Variants in GALNT10 observed in about 807,000 individuals in gnomAD.
The protein encoded by GALNT10 is GalNAc transferase 10.
Under a neutral mutation model 75.0 loss-of-function variants are expected in GALNT10, and 41 were observed. The observed-to-expected ratio is 0.55, with a 90% confidence interval of 0.43 to 0.71. The LOEUF (loss-of-function observed/expected upper bound fraction) is 0.71. Among genes scored for constraint, GALNT10 ranks in the 30% least tolerant of loss-of-function variants. The pLI is 0.00. For missense variants in GALNT10, 727 were observed against 818.5 expected (o/e 0.89, Z 1.36); for synonymous variants, 302 against 313.0 (o/e 0.96, Z 0.37).
chr5:154,419,440 A>G lies in GALNT10; in HGVS notation c.*2468A>G, dbSNP rs1756585831. The G allele has an allele frequency of 6.6e-6, 1 of 152,196 alleles. No homozygotes were observed. The highest frequency in any genetic ancestry group is 2.1e-4 in the South Asian group (1 of 4,824). 9.4% of individuals were successfully genotyped at this position (152,196 alleles called of 1,614,324 possible). A position where few individuals can be genotyped will look rare whatever the true frequency, so the allele number is the denominator to read the frequency against. Reference sequence around the variant, plus strand: ...TGCCGAGCACTAGCTAGACTTCCACATAGTCCCACCCCAAGTGGGCGGCAG... The same window carrying G: ...TGCCGAGCACTAGCTAGACTTCCACGTAGTCCCACCCCAAGTGGGCGGCAG... On this transcript the variant is annotated 3_prime_UTR_variant, in exon 12 of 12. Transcript: ENST00000297107.
intron 4 of GALNT10, among the ~76,000 whole-genome samples, chr5:154,333,122 T>C (rs1754892495): frequency 6.6e-6 from 1 of 152,178 alleles, no homozygotes; most frequent in Non-Finnish European, 1.5e-5. Context: ...TCTCCTGGTG[T>C]GGTCTGTATT....
At chr5:154,360,248 G>A (rs190984552) in intron 4 of GALNT10, among the ~76,000 whole-genome samples, 47 of 152,120 alleles carry the variant, frequency 3.1e-4, no homozygotes, top group African/African-American at 1.1e-3. Flanking sequence ...TCAGGAGTTC[G>A]AAACCAGCCT....
intron 1 of GALNT10, among the ~76,000 whole-genome samples, chr5:154,283,703 CCA>C (rs973272884): frequency 6.6e-6 from 1 of 152,180 alleles, no homozygotes; most frequent in African/African-American, 2.4e-5. Flanking sequence ...GAGGGGACTA[CCA>C]TCAGTCACAT....
chr5:154,337,903 T>C, intron 4 of GALNT10: 1 of 1,354,256 alleles, frequency 7.4e-7, no homozygotes, highest in Non-Finnish European at 1.0e-6. Context: ...TTCCTAACTT[T>C]ACATTTGTGG....
intron 4 of GALNT10, among the ~76,000 whole-genome samples, chr5:154,343,805 G>A (rs950866463): frequency 1.3e-5 from 2 of 152,120 alleles, no homozygotes; most frequent in Non-Finnish European, 2.9e-5. Context: ...ACTCACCCAT[G>A]AACATTTTTG....
intron 4 of GALNT10, among the ~76,000 whole-genome samples, chr5:154,354,169 C>T (rs575388015): frequency 3.9e-5 from 6 of 152,282 alleles, no homozygotes; most frequent in Admixed American, 6.5e-5. Context: ...TTGTGAATGA[C>T]TTACTTTTAT....
chr5:154,219,834 T>TCACACACACACACA (rs763537693), intron 1 of GALNT10, among the ~76,000 whole-genome samples: 6,952 of 129,216 alleles, frequency 0.054, 282 homozygotes, highest in East Asian at 0.13. Context: ...TCTCTCTCTC[T>TCACACACACACACA]CTCTCACACA....
chr5:154,370,566 A>C lies in GALNT10; in HGVS notation c.569-5711A>C, dbSNP rs142600237. 2.2e-4 allele frequency among the ~76,000 whole-genome samples: 33 copies of C among 152,316 alleles called. No individual in the cohort carries two copies. The East Asian group carries it at 6.2e-3, about 29-fold the overall frequency. ...GTAGAAGGACGAGCACGGGCAGAGAACCTGAGGCTGAAGGAGACATCCTGG... is the reference window on the plus strand; with the variant it reads ...GTAGAAGGACGAGCACGGGCAGAGACCCTGAGGCTGAAGGAGACATCCTGG... On this transcript the variant is annotated intron_variant, in intron 4 of 11. Coordinates refer to ENST00000297107, the MANE Select transcript of GALNT10 (RefSeq NM_198321.4).
chr5:154,336,266 G>C (rs1353291783), intron 4 of GALNT10, among the ~76,000 whole-genome samples: 1 of 152,092 alleles, frequency 6.6e-6, no homozygotes, highest in Non-Finnish European at 1.5e-5. Flanking sequence ...TCCGAGTTTT[G>C]GCAAATATTA....
At chr5:154,295,494 A>T (rs1353388551) in intron 2 of GALNT10, among the ~76,000 whole-genome samples, 1 of 152,202 alleles carries the variant, frequency 6.6e-6, no homozygotes, top group East Asian at 1.9e-4. Flanking sequence ...GGCAGAGTTG[A>T]TTCCTACCTA....
At chr5:154,260,546 C>T (rs558172631) in intron 1 of GALNT10, among the ~76,000 whole-genome samples, 1 of 152,254 alleles carries the variant, frequency 6.6e-6, no homozygotes, top group African/African-American at 2.4e-5. Context: ...GGATGCACCC[C>T]TTTTTAAATG....
rs554444351 is a variant in GALNT10, at chr5:154,296,493, A to G, written c.263-1448A>G. ...TGGGCTAACCAGCAAGACAAGAGTA[A>G]CGAGCAGTGGAGACATTAATAATAA... On this transcript the variant is annotated intron_variant, in intron 2 of 11. Coordinates refer to ENST00000297107, the MANE Select transcript of GALNT10 (RefSeq NM_198321.4). Among the ~76,000 whole-genome samples the G allele has an allele frequency of 4.5e-4, 69 of 152,360 alleles. 1 individual carries two copies. The highest frequency in any genetic ancestry group is 1.7e-3 in the Admixed American group (26 of 15,308).
intron 1 of GALNT10, among the ~76,000 whole-genome samples, chr5:154,200,269 A>G (rs1434570218): frequency 6.6e-6 from 1 of 152,194 alleles, no homozygotes; most frequent in Non-Finnish European, 1.5e-5. Flanking sequence ...GCACTCGGGC[A>G]GCCTCTCACG....
chr5:154,385,613 A>C (rs1755797168), intron 6 of GALNT10, among the ~76,000 whole-genome samples: 1 of 152,042 alleles, frequency 6.6e-6, no homozygotes, highest in Non-Finnish European at 1.5e-5. Flanking sequence ...GCCCCACTAC[A>C]CCAACATCTC....
intron 1 of GALNT10, among the ~76,000 whole-genome samples, chr5:154,234,360 G>A (rs765177471): frequency 9.9e-5 from 15 of 152,130 alleles, no homozygotes; most frequent in Non-Finnish European, 1.9e-4. Context: ...CAGCAACTTT[G>A]CTCCAGGTGA....
At position 154,417,098 on chromosome 5, in the gene GALNT10, G is replaced by A; in HGVS notation, c.*126G>A. 1 of 791,268 alleles carries A rather than the reference G, an allele frequency of 1.3e-6. No homozygotes were observed. Among genetic ancestry groups the A allele is most frequent in the Non-Finnish European group, 2.1e-6 (1 of 487,462 alleles). The allele number at this position is 791,268 out of a possible 1,614,324, so 49.0% of individuals were successfully genotyped here. Reference sequence around the variant, plus strand: ...TGCTGGCCAAATGGTTCAGGGTGAAGAGGGCTCTTGATTCAGGGGCTGGGG... The same window carrying A: ...TGCTGGCCAAATGGTTCAGGGTGAAAAGGGCTCTTGATTCAGGGGCTGGGG... On this transcript the variant is annotated 3_prime_UTR_variant, in exon 12 of 12. Transcript: ENST00000297107.
At chr5:154,285,582 C>A (rs1754098929) in intron 1 of GALNT10, among the ~76,000 whole-genome samples, 1 of 152,042 alleles carries the variant, frequency 6.6e-6, no homozygotes, top group South Asian at 2.1e-4. Flanking sequence ...ACCCACAGGA[C>A]CCTAGTAACC....
chr5:154,252,830 A>G (rs945171492), intron 1 of GALNT10, among the ~76,000 whole-genome samples: 2 of 151,458 alleles, frequency 1.3e-5, no homozygotes, highest in African/African-American at 4.8e-5. Context: ...GGCTCATCTT[A>G]TCTGTATGTT....
chr5:154,390,038 T>C (rs1755868760), intron 7 of GALNT10, among the ~76,000 whole-genome samples: 1 of 152,180 alleles, frequency 6.6e-6, no homozygotes, highest in Non-Finnish European at 1.5e-5. Flanking sequence ...ATTACCAACC[T>C]TCCTAAACAA....
Sources: allele counts gnomAD v4.1 joint callset (sites outside exome capture counted in the v4.1 genomes callset), GRCh38; gene constraint gnomAD v4.1.1; transcripts MANE v1.5; gene names NCBI Gene and HGNC (gene_info 2026-07-23, HGNC 2026-07-21).